The following RNF216 variants were observed in gnomAD, a reference collection of about 807,000 sequenced individuals.
The protein encoded by RNF216 is E3 ubiquitin-protein ligase RNF216.
In RNF216, 72 loss-of-function variants were observed where a neutral mutation model predicts 110.8. The observed-to-expected ratio is 0.65, with a 90% CI of 0.54 to 0.79. RNF216 has a LOEUF of 0.79. Among genes scored for constraint, RNF216 ranks in the 30% least tolerant of loss-of-function variants. The pLI is 0.00. For missense variants in RNF216, 1,342 were observed against 1,141.2 expected, an observed-to-expected ratio of 1.18 and a Z score of -2.54; for synonymous variants, 495 against 407.5, an observed-to-expected ratio of 1.21 and a Z score of -2.59.
At chr7:5,723,816 A>C (rs1448097579) in intron 8 of RNF216, among the ~76,000 whole-genome samples, 1 of 152,166 alleles carries the variant, frequency 6.6e-6, no homozygotes, top group African/African-American at 2.4e-5. Context: ...ACTGAAAAGG[A>C]GAAAAATGGG....
intron 15 of RNF216, among the ~76,000 whole-genome samples, chr7:5,639,799 G>T (rs1450570008): frequency 3.4e-5 from 5 of 146,456 alleles, no homozygotes; most frequent in African/African-American, 1.3e-4. Flanking sequence ...TCGCTCTGTC[G>T]CCCAGGCTGG....
intron 5 of RNF216, among the ~76,000 whole-genome samples, chr7:5,734,286 C>T (rs1794262278): frequency 6.6e-6 from 1 of 152,150 alleles, no homozygotes; most frequent in African/African-American, 2.4e-5. Flanking sequence ...AATATATAAA[C>T]TGTGGTTCTA....
At position 5,761,201 on chromosome 7, in the gene RNF216, T is replaced by C; in HGVS notation, c.-69-63A>G. On this transcript the variant is annotated intron_variant, in intron 1 of 16. Transcript: ENST00000389902. ...AGTATCAAAACTCTTGCCATGTATC[T>C]GGTCAGGGGAACATCTGAAGCTTAT... 8.7e-6 allele frequency: 5 copies of C among 577,542 alleles called. No homozygotes were observed. In the South Asian group the frequency reaches 9.9e-5, roughly 11 times the overall value. The allele number at this position is 577,542 out of a possible 1,614,324, so 35.8% of individuals were successfully genotyped here.
intron 2 of RNF216, among the ~76,000 whole-genome samples, chr7:5,755,051 AAGGG>A (rs1301982036): frequency 2.1e-5 from 3 of 141,676 alleles, no homozygotes; most frequent in Non-Finnish European, 4.6e-5. Context: ...AAAAGGAAAC[AAGGG>A]AGGGAGGGAG....
intron 5 of RNF216, chr7:5,733,215 G>A (rs1300857398): frequency 6.6e-6 from 1 of 152,202 alleles, no homozygotes; most frequent in Non-Finnish European, 1.5e-5. Flanking sequence ...AAACAAGACT[G>A]GCTTGAAAAG....
chr7:5,677,750 G>T, intron 13 of RNF216, among the ~76,000 whole-genome samples: 1 of 152,152 alleles, frequency 6.6e-6, no homozygotes, highest in East Asian at 1.9e-4. Flanking sequence ...TGTTGCTCAG[G>T]AAATCCTAGG....
At chr7:5,689,931 AAAC>A (rs1028593421) in intron 13 of RNF216, among the ~76,000 whole-genome samples, 1 of 139,418 alleles carries the variant, frequency 7.2e-6, no homozygotes, top group Admixed American at 6.9e-5. Context: ...ACTCTGTCTC[AAAC>A]AAAAAAAAAA....
intron 13 of RNF216, among the ~76,000 whole-genome samples, chr7:5,711,520 A>G (rs1336006186): frequency 1.3e-5 from 2 of 152,222 alleles, no homozygotes; most frequent in Non-Finnish European, 2.9e-5. Context: ...TCTGTCCTAA[A>G]GAAGATGATA....
At chr7:5,642,109 G>C (rs143322896) in intron 14 of RNF216, among the ~76,000 whole-genome samples, 130 of 150,116 alleles carry the variant, frequency 8.7e-4, no homozygotes, top group Non-Finnish European at 1.6e-3. Context: ...AGTGCATTTA[G>C]TACTATTACC....
chr7:5,747,746 CA>C (rs1207043505), intron 3 of RNF216, among the ~76,000 whole-genome samples: 6 of 7,012 alleles, frequency 8.6e-4, no homozygotes, highest in Non-Finnish European at 1.2e-3. Flanking sequence ...GACTCCATCT[CA>C]AAAAAAAAAA....
chr7:5,731,100 T>C (rs1405893195), intron 5 of RNF216, among the ~76,000 whole-genome samples: 1 of 152,348 alleles, frequency 6.6e-6, no homozygotes, highest in Admixed American at 6.5e-5. Flanking sequence ...TGTAATGAAG[T>C]CACTGAAACT....
chr7:5,725,077 G>C (rs1793666343), intron 8 of RNF216, among the ~76,000 whole-genome samples: 1 of 152,128 alleles, frequency 6.6e-6, no homozygotes, highest in Non-Finnish European at 1.5e-5. Context: ...TCTCACACAT[G>C]AATTTTCTAA....
At chr7:5,675,105 T>C (rs1161736562) in intron 13 of RNF216, among the ~76,000 whole-genome samples, 1 of 152,188 alleles carries the variant, frequency 6.6e-6, no homozygotes, top group African/African-American at 2.4e-5. Context: ...TCCCACAATT[T>C]AAAAGGTGAA....
Position 5,761,001 on chromosome 7 carries a change from A to G in RNF216, c.67+2T>C. On this transcript the variant is annotated splice_donor_variant, in intron 2 of 16. Transcript: ENST00000389902. LOFTEE classifies it high-confidence loss of function. ...GGGATGAAGTGAGAACAAACAACTTACCTTGTCCCCGATGGCAGTGAAAGT... is the reference window on the plus strand; with the variant it reads ...GGGATGAAGTGAGAACAAACAACTTGCCTTGTCCCCGATGGCAGTGAAAGT... 1 of 1,571,588 alleles carries G rather than the reference A, an allele frequency of 6.4e-7. No homozygotes were observed. The highest frequency in any genetic ancestry group is 8.6e-7 in the Non-Finnish European group (1 of 1,158,592).
intron 3 of RNF216, among the ~76,000 whole-genome samples, chr7:5,744,927 G>A (rs926383475): frequency 5.3e-5 from 8 of 151,544 alleles, no homozygotes; most frequent in South Asian, 2.1e-4. Flanking sequence ...AGCCAAGATC[G>A]CGCCATTGCA....
intron 11 of RNF216, 122 bp downstream of exon 11, chr7:5,714,931 T>C (rs1584499111): frequency 1.2e-6 from 1 of 831,332 alleles, no homozygotes; most frequent in East Asian, 2.5e-5. Flanking sequence ...AATGTACACA[T>C]AAGCATACCA....
intron 15 of RNF216, among the ~76,000 whole-genome samples, chr7:5,629,970 C>A (rs577524722): frequency 6.6e-6 from 1 of 152,014 alleles, no homozygotes; most frequent in Non-Finnish European, 1.5e-5. Flanking sequence ...GGAGTCAAGT[C>A]CCTCAGGAAA....
At chr7:5,775,272 T>C (rs1332495088) in intron 1 of RNF216, 5 of 152,166 alleles carry the variant, frequency 3.3e-5, no homozygotes, top group Non-Finnish European at 7.3e-5. Flanking sequence ...GAAAAGAGAA[T>C]CGCTCACGGT....
chr7:5,716,427 T>C (rs1793068035), intron 10 of RNF216, among the ~76,000 whole-genome samples: 1 of 152,188 alleles, frequency 6.6e-6, no homozygotes, highest in African/African-American at 2.4e-5. Context: ...CCTCGTTAAC[T>C]CTAAAGTGAT....
Sources: allele counts gnomAD v4.1 joint callset (sites outside exome capture counted in the v4.1 genomes callset), GRCh38; gene constraint gnomAD v4.1.1; transcripts MANE v1.5; gene names NCBI Gene and HGNC (gene_info 2026-07-23, HGNC 2026-07-21).